THADA: variants seen among roughly 807,000 people sequenced by gnomAD.
The protein encoded by THADA is THADA armadillo repeat containing.
In THADA, 213 loss-of-function variants were observed where a neutral mutation model predicts 219.8. That is an observed-to-expected ratio of 0.97 (90% CI 0.87 to 1.09). THADA has a LOEUF of 1.09. THADA is among the 50% of genes least tolerant of loss of function. THADA has a pLI of 0.00. For synonymous variants in THADA, 1,018 were observed against 828.9 expected (o/e 1.23, Z -3.92); for missense variants, 2,956 against 2,311.3 (o/e 1.28, Z -5.72).
rs1676775305 is a variant in THADA at position 43,305,711 on chromosome 2, AGAT to A, written c.4439-12501_4439-12499del. Among the ~76,000 whole-genome samples, 5 of 152,246 alleles carry A rather than the reference AGAT, an allele frequency of 3.3e-5. No homozygotes were observed. The South Asian group carries it at 1.0e-3, about 32-fold the overall frequency. On this transcript the variant is annotated intron_variant, in intron 31 of 37. Coordinates refer to ENST00000405975, the MANE Select transcript of THADA (RefSeq NM_022065.5). ...AGCTCAAAGGATCTGGGTAGGCTAA[AGAT>A]GAGCTCACCAGGCCCTGGGTGGGAC...
chr2:43,335,639 G>C (rs1666326829), intron 30 of THADA, among the ~76,000 whole-genome samples: 1 of 152,070 alleles, frequency 6.6e-6, no homozygotes, highest in Non-Finnish European at 1.5e-5. Flanking sequence ...GTAATACAGG[G>C]ATAGTTATTC....
chr2:43,277,204 A>G (rs1232079060), intron 36 of THADA: 2 of 152,408 alleles, frequency 1.3e-5, no homozygotes, highest in African/African-American at 4.8e-5. Context: ...TCCTGCTTTA[A>G]ACCCTCTCTA....
At chr2:43,269,115 C>T (rs984795108) in intron 36 of THADA, among the ~76,000 whole-genome samples, 3 of 152,134 alleles carry the variant, frequency 2.0e-5, no homozygotes, top group Non-Finnish European at 4.4e-5. Context: ...AGAGGAGAGC[C>T]GAGGCCACGA....
At chr2:43,389,789 C>T (rs563905061) in intron 29 of THADA, among the ~76,000 whole-genome samples, 1 of 152,324 alleles carries the variant, frequency 6.6e-6, no homozygotes, top group South Asian at 2.1e-4. Context: ...GCCCAATGTT[C>T]CCCTGAAGCC....
intron 36 of THADA, among the ~76,000 whole-genome samples, chr2:43,266,424 T>A (rs1459878698): frequency 6.6e-6 from 1 of 152,102 alleles, no homozygotes; most frequent in African/African-American, 2.4e-5. Context: ...ACCCCGTCTC[T>A]GCTAAAAACA....
At chr2:43,521,648 G>C (rs1162673065) in intron 22 of THADA, among the ~76,000 whole-genome samples, 2 of 152,234 alleles carry the variant, frequency 1.3e-5, no homozygotes, top group Non-Finnish European at 2.9e-5. Context: ...GAACAGGCCA[G>C]GCTATAGCTG....
intron 31 of THADA, among the ~76,000 whole-genome samples, chr2:43,316,519 G>T (rs1678099216): frequency 2.6e-5 from 4 of 152,220 alleles, no homozygotes; most frequent in Admixed American, 2.6e-4. Flanking sequence ...AGGAAAGCAG[G>T]CATTTCTTCT....
chr2:43,286,977 T>C lies in THADA; in HGVS notation c.5095A>G (p.Arg1699Gly). 1 of 1,613,998 alleles carries C rather than the reference T, an allele frequency of 6.2e-7. No homozygotes were observed. The highest frequency in any genetic ancestry group is 8.5e-7 in the Non-Finnish European group (1 of 1,179,892). The change falls in exon 35 of 38, where the codon AGG becomes GGG. Residue 1699 changes from arginine (R) to glycine (G), a missense_variant. Physicochemically the swap from Arg to Gly is moderately radical, Grantham distance 125 (BLOSUM62 -2). Transcript: ENST00000405975. ...SCEDHLPTES[R>G]LAVVEVLTST... ...GTGAGGACTTCAACGACGGCCAGCCTAGACTCTGTAGGAAGATGGTCTTCA... is the reference window on the plus strand; with the variant it reads ...GTGAGGACTTCAACGACGGCCAGCCCAGACTCTGTAGGAAGATGGTCTTCA...
chr2:43,289,288 T>C (rs1372364889), intron 34 of THADA, among the ~76,000 whole-genome samples: 1 of 152,248 alleles, frequency 6.6e-6, no homozygotes, highest in Admixed American at 6.5e-5. Flanking sequence ...GGGACTGTTG[T>C]TCCAGATGTA....
chr2:43,251,855 A>G (rs1669836481), intron 36 of THADA, among the ~76,000 whole-genome samples: 1 of 152,216 alleles, frequency 6.6e-6, no homozygotes, highest in Admixed American at 6.5e-5. Flanking sequence ...TTATGAAAAA[A>G]TAGTTCCCCT....
rs140540138 is a variant in THADA, at chr2:43,278,427, C to A, written c.5296+1338G>T. On this transcript the variant is annotated intron_variant, in intron 36 of 37. Transcript: ENST00000405975. The stretch of plus-strand genomic sequence containing the variant: ...GAATCTACTGAGTATTATATTCCAA[C>A]AAATATTTACCGAACACTTACTAGG... Among the ~76,000 whole-genome samples, 92 of 152,290 alleles carry A rather than the reference C, an allele frequency of 6.0e-4. 1 individual carries two copies. The highest frequency in any genetic ancestry group is 1.9e-3 in the African/African-American group (78 of 41,560).
At chr2:43,591,295 A>G (rs1283465982) in intron 3 of THADA, among the ~76,000 whole-genome samples, 1 of 152,254 alleles carries the variant, frequency 6.6e-6, no homozygotes, top group Non-Finnish European at 1.5e-5. Flanking sequence ...AGTGCACTCC[A>G]GCCTGGGTAA....
intron 25 of THADA, chr2:43,491,891 G>C (rs1300823392): frequency 6.6e-6 from 1 of 152,072 alleles, no homozygotes; most frequent in Admixed American, 6.6e-5. Flanking sequence ...CTAAATACAT[G>C]GTTGATAGGA....
intron 29 of THADA, among the ~76,000 whole-genome samples, chr2:43,356,544 A>G (rs1241192817): frequency 2.6e-5 from 4 of 152,216 alleles, no homozygotes; most frequent in Non-Finnish European, 5.9e-5. Flanking sequence ...AAGGAACAAA[A>G]TTTGCAAATC....
chr2:43,406,733 CCCAG>C (rs1445358540), intron 28 of THADA, among the ~76,000 whole-genome samples: 1 of 152,200 alleles, frequency 6.6e-6, no homozygotes, highest in East Asian at 1.9e-4. Context: ...AATCTTCCCT[CCCAG>C]CCTATCTGAG....
In THADA at chr2:43,462,480, T is replaced by C. The variant is rs192139327; in HGVS notation, c.3836+22754A>G. 4.4e-3 allele frequency among the ~76,000 whole-genome samples: 676 copies of C among 152,340 alleles called. 2 individuals carry two copies. Among genetic ancestry groups the C allele is most frequent in the Non-Finnish European group, 6.0e-3 (408 of 68,026 alleles). On this transcript the variant is annotated intron_variant, in intron 26 of 37. Transcript: ENST00000405975. ...CAGGGGAGGCTACCTTTTGGTTTGA[T>C]GTTTCAATTTCAAACTAAAATAGAA... is the stretch of plus-strand genomic sequence containing the variant.
At chr2:43,292,770 T>C (rs1674886058) in intron 32 of THADA, 64 bp downstream of exon 32, 1 of 1,556,288 alleles carries the variant, frequency 6.4e-7, no homozygotes, top group Non-Finnish European at 8.6e-7. Context: ...GATCCTACCA[T>C]TCCAGTGGCT....
intron 30 of THADA, among the ~76,000 whole-genome samples, chr2:43,323,727 A>AAACC (rs946122405): frequency 7.9e-5 from 12 of 152,194 alleles, no homozygotes; most frequent in East Asian, 5.8e-4. Context: ...TTAACCCAAA[A>AAACC]AACCAACCAA....
At chr2:43,232,608 C>G in intron 37 of THADA, 105 bp downstream of exon 37, 1 of 1,262,752 alleles carries the variant, frequency 7.9e-7, no homozygotes, top group South Asian at 1.4e-5. Context: ...GGTTCCTGCT[C>G]TGTGTCTAAG....
Sources: gnomAD v4.1 joint callset for allele counts (sites outside exome capture counted in the v4.1 genomes callset) on GRCh38, gnomAD v4.1.1 for gene constraint, MANE v1.5 for transcripts, NCBI Gene and HGNC (gene_info 2026-07-23, HGNC 2026-07-21) for gene names.